RPTOR: variants seen among roughly 807,000 people sequenced by gnomAD.
RPTOR encodes regulatory associated protein of MTOR complex 1, also known as regulatory-associated protein of mTOR.
A neutral mutation model predicts 169.9 loss-of-function variants in RPTOR; 21 were observed. The observed-to-expected ratio is 0.12, with a 90% CI of 0.09 to 0.18. RPTOR has a LOEUF of 0.18. RPTOR is among the 10% of genes least tolerant of loss of function. The pLI is 1.00. For missense variants in RPTOR, 1,133 were observed against 1,855.9 expected (o/e 0.61, Z 7.16); for synonymous variants, 732 against 753.2 (o/e 0.97, Z 0.46).
chr17:80,642,768 T>C (rs1010537617), intron 2 of RPTOR, among the ~76,000 whole-genome samples: 2 of 152,234 alleles, frequency 1.3e-5, no homozygotes, highest in Non-Finnish European at 2.9e-5. Flanking sequence ...AAATAGCATT[T>C]TAAGATACTC....
rs1291764491 is a variant in RPTOR at position 80,844,054 on chromosome 17, C to G, written c.1213-2419C>G. ...GACTTCGCTCCCCTGCACGCAGGGG[C>G]CAGCTCAGGAGCTCTTCATGGGGTG... is the stretch of plus-strand genomic sequence containing the variant. On this transcript the variant is annotated intron_variant, in intron 10 of 33. Transcript: ENST00000306801. The surrounding 1 kb of genome is among the most constrained non-coding windows in gnomAD (Gnocchi z 4.7). 1.3e-5 allele frequency among the ~76,000 whole-genome samples: 2 copies of G among 152,188 alleles called. No homozygotes were observed. The highest frequency in any genetic ancestry group is 6.5e-5 in the Admixed American group (1 of 15,282).
chr17:80,893,029 G>A (rs768774571), intron 19 of RPTOR, among the ~76,000 whole-genome samples, 160 bp downstream of exon 19: 6 of 152,232 alleles, frequency 3.9e-5, no homozygotes, highest in South Asian at 2.1e-4. Flanking sequence ...CCTTCCAGAC[G>A]TGAGCATGGC....
intron 6 of RPTOR, among the ~76,000 whole-genome samples, chr17:80,783,731 T>C (rs1012138097): frequency 2.0e-5 from 3 of 152,256 alleles, no homozygotes; most frequent in Non-Finnish European, 4.4e-5. Context: ...AAAGCTCCGA[T>C]GAGGTGTTCA....
rs1471663623 is a variant in RPTOR at position 80,908,881 on chromosome 17, A to G, written c.2472A>G (p.Pro824=). The G allele has an allele frequency of 6.2e-7, 1 of 1,614,050 alleles. No individual in the cohort carries two copies. The highest frequency in any genetic ancestry group is 1.7e-5 in the Admixed American group (1 of 60,012). Residue 824 remains proline (P), a synonymous_variant, in exon 21 of 34, where the codon CCA becomes CCG. Coordinates refer to ENST00000306801, the MANE Select transcript of RPTOR (RefSeq NM_020761.3). ...VLLHLAADPY[P]EVSDVAMKVL... ...TGCACCTGGCTGCTGACCCCTATCC[A>G]GAGGTCTCGGACGTGGCCATGAAAG...
intron 14 of RPTOR, among the ~76,000 whole-genome samples, chr17:80,881,593 C>T (rs1014420019): frequency 6.6e-6 from 1 of 152,212 alleles, no homozygotes; most frequent in Non-Finnish European, 1.5e-5. Context: ...CCAAGGCTGA[C>T]AGACTGCTTG....
chr17:80,909,001 C>A, intron 21 of RPTOR, 72 bp downstream of exon 21: 1 of 1,037,910 alleles, frequency 9.6e-7, no homozygotes, highest in Non-Finnish European at 1.5e-6. Context: ...CCAGGAACTC[C>A]AGGTGTGCCC....
At chr17:80,858,578 C>T (rs913054607) in intron 13 of RPTOR, among the ~76,000 whole-genome samples, 5 of 152,200 alleles carry the variant, frequency 3.3e-5, no homozygotes, top group Non-Finnish European at 7.3e-5. Flanking sequence ...CAGGTGACAC[C>T]AGCCCTGTTG....
intron 24 of RPTOR, chr17:80,940,285 A>G (rs1234016449): frequency 3.9e-6 from 2 of 509,394 alleles, no homozygotes; most frequent in Non-Finnish European, 7.0e-6. Context: ...CAGCGTTGAC[A>G]CTGTGTCGGG....
At chr17:80,800,851 G>C (rs74001067) in intron 7 of RPTOR, among the ~76,000 whole-genome samples, 3 of 152,194 alleles carry the variant, frequency 2.0e-5, no homozygotes, top group African/African-American at 7.2e-5. Context: ...GGCTCAAAGC[G>C]TACCCAGAAC....
At chr17:80,822,488 C>T (rs987775906) in intron 8 of RPTOR, among the ~76,000 whole-genome samples, 187 bp downstream of exon 8, 4 of 152,210 alleles carry the variant, frequency 2.6e-5, no homozygotes, top group Admixed American at 6.5e-5. Flanking sequence ...AGTTACTGCA[C>T]GCCAGGTTCT....
chr17:80,952,741 A>G (rs1415077152), intron 28 of RPTOR, among the ~76,000 whole-genome samples: 2 of 152,004 alleles, frequency 1.3e-5, no homozygotes, highest in African/African-American at 4.8e-5. Context: ...GCTTCCTGGC[A>G]GAGTCACCAG....
intron 4 of RPTOR, among the ~76,000 whole-genome samples, chr17:80,713,198 A>G (rs1276203661): frequency 6.6e-6 from 1 of 152,140 alleles, no homozygotes; most frequent in Non-Finnish European, 1.5e-5. Context: ...CCCCCGAAGT[A>G]GCAGGGATTA....
chr17:80,959,205 A>G lies in RPTOR; in HGVS notation c.3478-873A>G, dbSNP rs1242643244. On this transcript the variant is annotated intron_variant, in intron 29 of 33. Coordinates refer to ENST00000306801, the MANE Select transcript of RPTOR (RefSeq NM_020761.3). This position sits in a 1 kb window ranked among gnomAD's most constrained non-coding sequence, Gnocchi z 6.7. ...ATCCCTCGAGGCACCAGCAGCTTTC[A>G]TGGCACCTTCTTTGGGGTGGGGGGG... 6.6e-6 allele frequency among the ~76,000 whole-genome samples: 1 copy of G among 152,062 alleles called. No homozygotes were observed. The highest frequency in any genetic ancestry group is 6.5e-5 in the Admixed American group (1 of 15,276).
In RPTOR at chr17:80,964,189, G is replaced by T. The variant is rs1026734634; in HGVS notation, c.3940-73G>T. The T allele has an allele frequency of 2.0e-5, 23 of 1,169,674 alleles. No individual in the cohort carries two copies. The Admixed American group carries it at 3.2e-4, about 16-fold the overall frequency. 72.5% of individuals were successfully genotyped at this position (1,169,674 alleles called of 1,614,324 possible). A position where few individuals can be genotyped will look rare whatever the true frequency, so the allele number is the denominator to read the frequency against. ...AGGAGCTGCCTAAGGATGCGGGTTG[G>T]CCTGCGCCCCCCCGCCCCCCGCAGT... On this transcript the variant is annotated intron_variant, in intron 33 of 33. Transcript: ENST00000306801.
intron 7 of RPTOR, among the ~76,000 whole-genome samples, chr17:80,809,134 C>T (rs1039952825): frequency 2.0e-4 from 31 of 152,366 alleles, no homozygotes; most frequent in African/African-American, 6.5e-4. Flanking sequence ...CCAGTAACAA[C>T]AGCGTGCCAG....
chr17:80,730,457 C>A lies in RPTOR; in HGVS notation c.508-103C>A. 2 of 1,333,576 alleles carry A rather than the reference C, an allele frequency of 1.5e-6. No individual in the cohort carries two copies. Among genetic ancestry groups the A allele is most frequent in the South Asian group, 1.3e-5 (1 of 77,044 alleles). The allele number at this position is 1,333,576 out of a possible 1,614,324, so 82.6% of individuals were successfully genotyped here. ...AAAGGCTAACTCAGCGTCTCTCCAG[C>A]CACCAGGCTCAATGTGTGTGCCTTT... On this transcript the variant is annotated intron_variant, in intron 4 of 33. Transcript: ENST00000306801. This position sits in a 1 kb window ranked among gnomAD's most constrained non-coding sequence, Gnocchi z 4.2.
intron 1 of RPTOR, among the ~76,000 whole-genome samples, chr17:80,621,388 A>T (rs2065352992): frequency 6.6e-6 from 1 of 152,250 alleles, no homozygotes; most frequent in Non-Finnish European, 1.5e-5. Flanking sequence ...TGGAGGGAAT[A>T]TGACTTGTCT....
At chr17:80,668,418 T>A (rs1333585139) in intron 3 of RPTOR, among the ~76,000 whole-genome samples, 1 of 152,188 alleles carries the variant, frequency 6.6e-6, no homozygotes, top group Non-Finnish European at 1.5e-5. Context: ...TAGAAAGGCC[T>A]TTGATAGGTG....
chr17:80,609,670 A>G lies in RPTOR; in HGVS notation c.163-16021A>G, dbSNP rs1345079567. On this transcript the variant is annotated intron_variant, in intron 1 of 33. Coordinates refer to ENST00000306801, the MANE Select transcript of RPTOR (RefSeq NM_020761.3). The surrounding 1 kb of genome is among the most constrained non-coding windows in gnomAD (Gnocchi z 4.8). ...TGAGGCATGAGAATCGCTTGAACCC[A>G]GGAGGTGGAGGTTGCAGTGAGCTGA... 1.3e-5 allele frequency among the ~76,000 whole-genome samples: 2 copies of G among 151,914 alleles called. No homozygotes were observed. Among genetic ancestry groups the G allele is most frequent in the African/African-American group, 2.4e-5 (1 of 41,356 alleles).
Sources: allele counts gnomAD v4.1 joint callset (sites outside exome capture counted in the v4.1 genomes callset), GRCh38; gene constraint gnomAD v4.1.1; non-coding constraint Gnocchi (gnomAD v3.1); transcripts MANE v1.5; gene names NCBI Gene and HGNC (gene_info 2026-07-23, HGNC 2026-07-21).